The following CSMD1 variants were observed in gnomAD, a reference collection of about 807,000 sequenced individuals.
The protein encoded by CSMD1 is CUB and Sushi multiple domains 1, also known as CUB and sushi domain-containing protein 1.
Under a neutral mutation model 417.5 loss-of-function variants are expected in CSMD1, and 213 were observed. The observed-to-expected ratio is 0.51, with a 90% confidence interval of 0.46 to 0.57. The LOEUF (loss-of-function observed/expected upper bound fraction) is 0.57, where lower values mean the gene tolerates loss of function less well. CSMD1 is among the 20% of genes least tolerant of loss of function. The pLI is 0.00. For synonymous variants in CSMD1, 2,862 were observed against 1,736.8 expected (o/e 1.65, Z -16.11); for missense variants, 6,923 against 4,529.7 (o/e 1.53, Z -15.17).
intron 3 of CSMD1, among the ~76,000 whole-genome samples, chr8:4,153,722 C>G (rs1248829421): frequency 6.6e-6 from 1 of 152,202 alleles, no homozygotes; most frequent in African/African-American, 2.4e-5. Flanking sequence ...ATATAAGAAC[C>G]CATGCAGTGG....
chr8:4,212,047 A>G (rs1489767819), intron 3 of CSMD1, among the ~76,000 whole-genome samples: 1 of 152,052 alleles, frequency 6.6e-6, no homozygotes, highest in Admixed American at 6.6e-5. Context: ...AAGGACCTTA[A>G]TAATTCCTTT....
At chr8:3,115,669 T>C (rs180675483) in intron 42 of CSMD1, among the ~76,000 whole-genome samples, 1 of 152,352 alleles carries the variant, frequency 6.6e-6, no homozygotes, top group East Asian at 1.9e-4. Flanking sequence ...CAGATAAATT[T>C]ATACTATATT....
At chr8:4,244,359 G>C (rs1331000395) in intron 3 of CSMD1, among the ~76,000 whole-genome samples, 1 of 152,098 alleles carries the variant, frequency 6.6e-6, no homozygotes, top group Admixed American at 6.5e-5. Flanking sequence ...ATTTTAATAG[G>C]TAGAAAGACC....
chr8:3,829,018 C>CT lies in CSMD1; in HGVS notation c.819-74977dup, dbSNP rs151164809. Among the ~76,000 whole-genome samples, 234 of 150,662 alleles carry CT rather than the reference C, an allele frequency of 1.6e-3. 2 individuals are homozygous for CT. Among genetic ancestry groups the CT allele is most frequent in the Admixed American group, 4.9e-3 (73 of 15,038 alleles). On this transcript the variant is annotated intron_variant, in intron 5 of 69. Coordinates refer to ENST00000635120, the MANE Select transcript of CSMD1 (RefSeq NM_033225.6). ...GTTTCCTCTGTCTACAATCACCTTT[C>CT]TTTTTTTTTAAAAAAATGTATTTTT... is the stretch of plus-strand genomic sequence containing the variant.
chr8:3,374,546 G>C (rs747845787), intron 18 of CSMD1, among the ~76,000 whole-genome samples: 28 of 152,206 alleles, frequency 1.8e-4, no homozygotes, highest in Admixed American at 7.9e-4. Flanking sequence ...AGGAGGTCTA[G>C]ATGATTAGAC....
At chr8:3,506,790 T>A (rs902849964) in intron 10 of CSMD1, among the ~76,000 whole-genome samples, 1 of 152,200 alleles carries the variant, frequency 6.6e-6, no homozygotes, top group Admixed American at 6.5e-5. Flanking sequence ...ATTTACTTCC[T>A]CCACACCTGG....
chr8:4,376,764 G>A (rs906474280), intron 3 of CSMD1, among the ~76,000 whole-genome samples: 1 of 152,114 alleles, frequency 6.6e-6, no homozygotes, highest in Non-Finnish European at 1.5e-5. Context: ...ATATTTTTCA[G>A]CCTGTTTGAT....
intron 12 of CSMD1, among the ~76,000 whole-genome samples, chr8:3,450,139 C>T (rs1028915070): frequency 1.3e-5 from 2 of 152,164 alleles, no homozygotes; most frequent in East Asian, 1.9e-4. Flanking sequence ...GGATTTGCTT[C>T]GATGACGAAC....
intron 9 of CSMD1, among the ~76,000 whole-genome samples, chr8:3,581,734 T>C (rs1183137525): frequency 6.6e-6 from 1 of 152,152 alleles, no homozygotes; most frequent in African/African-American, 2.4e-5. Flanking sequence ...GCAGAAACGA[T>C]CATTATCAGG....
chr8:3,230,523 C>T (rs573730864), intron 26 of CSMD1, among the ~76,000 whole-genome samples: 1 of 152,014 alleles, frequency 6.6e-6, no homozygotes, highest in Non-Finnish European at 1.5e-5. Context: ...AGAATAAATA[C>T]ATACATACAC....
chr8:3,805,180 C>T (rs1454724850), intron 5 of CSMD1, among the ~76,000 whole-genome samples: 3 of 152,122 alleles, frequency 2.0e-5, no homozygotes, highest in South Asian at 2.1e-4. Context: ...CACAATATTC[C>T]CCAGGACTAC....
intron 3 of CSMD1, among the ~76,000 whole-genome samples, chr8:4,330,589 C>A (rs915422215): frequency 5.2e-4 from 75 of 143,666 alleles, no homozygotes; most frequent in Admixed American, 8.3e-4. Flanking sequence ...AACCCTGTCT[C>A]AAAAAAAAAA....
intron 2 of CSMD1, among the ~76,000 whole-genome samples, chr8:4,424,012 T>C (rs753655403): frequency 3.3e-5 from 5 of 151,938 alleles, no homozygotes; most frequent in Non-Finnish European, 5.9e-5. Context: ...CCATAGCAAA[T>C]AGTAAGTTTA....
chr8:4,588,221 G>A (rs904057812), intron 2 of CSMD1, among the ~76,000 whole-genome samples: 5 of 151,832 alleles, frequency 3.3e-5, no homozygotes, highest in Non-Finnish European at 7.4e-5. Flanking sequence ...ATATATTGCT[G>A]GTGTTGATTA....
chr8:4,139,438 G>C (rs540259866), intron 3 of CSMD1, among the ~76,000 whole-genome samples: 8 of 144,418 alleles, frequency 5.5e-5, no homozygotes, highest in East Asian at 1.9e-4. Context: ...AACGAAGGAA[G>C]ACTCTATGCC....
intron 3 of CSMD1, among the ~76,000 whole-genome samples, chr8:4,416,386 C>T (rs1365828342): frequency 6.6e-6 from 1 of 151,998 alleles, no homozygotes; most frequent in African/African-American, 2.4e-5. Context: ...AAAAATATAA[C>T]CAATATTTAA....
chr8:3,787,478 A>G (rs1388595802), intron 5 of CSMD1, among the ~76,000 whole-genome samples: 1 of 152,182 alleles, frequency 6.6e-6, no homozygotes, highest in East Asian at 1.9e-4. Flanking sequence ...CAAAGTAGTG[A>G]TTAATCAAAA....
chr8:4,403,995 C>T (rs1190848860), intron 3 of CSMD1, among the ~76,000 whole-genome samples: 1 of 152,166 alleles, frequency 6.6e-6, no homozygotes, highest in Non-Finnish European at 1.5e-5. Context: ...TCAGGTCAAC[C>T]AATCAATTAG....
At chr8:3,735,615 C>T (rs1020886943) in intron 6 of CSMD1, among the ~76,000 whole-genome samples, 25 of 152,182 alleles carry the variant, frequency 1.6e-4, no homozygotes, top group African/African-American at 6.0e-4. Context: ...TAACTCTCTC[C>T]ACAGGTAAGT....
Sources: allele counts gnomAD v4.1 joint callset (sites outside exome capture counted in the v4.1 genomes callset), GRCh38; gene constraint gnomAD v4.1.1; transcripts MANE v1.5; gene names NCBI Gene and HGNC (gene_info 2026-07-23, HGNC 2026-07-21).